Variants in PTPN13 observed in about 807,000 individuals in gnomAD.
PTPN13 encodes protein tyrosine phosphatase non-receptor type 13, also known as tyrosine-protein phosphatase non-receptor type 13.
PTPN13 carries 191 observed loss-of-function variants against 284.0 expected under a neutral mutation model. That is an observed-to-expected ratio of 0.67 (90% CI 0.60 to 0.76). The LOEUF is 0.76. Among genes scored for constraint, PTPN13 ranks in the 30% least tolerant of loss-of-function variants. The pLI, the probability that PTPN13 is intolerant of heterozygous loss-of-function variation, is 0.00. For synonymous variants in PTPN13, 986 were observed against 1,022.3 expected (o/e 0.96, Z 0.68); for missense variants, 2,797 against 2,939.9 (o/e 0.95, Z 1.12).
At chr4:86,814,056 G>A (rs1275659082) in intron 47 of PTPN13, among the ~76,000 whole-genome samples, 4 of 127,048 alleles carry the variant, frequency 3.1e-5, no homozygotes, top group African/African-American at 3.1e-5. Context: ...TCACCAGGCT[G>A]GAGTGCAGTG....
chr4:86,658,945 C>T (rs1366020238), intron 2 of PTPN13, among the ~76,000 whole-genome samples: 2 of 152,016 alleles, frequency 1.3e-5, no homozygotes, highest in African/African-American at 4.8e-5. Flanking sequence ...TAGCTAAGAG[C>T]AGACTGAACA....
chr4:86,595,912 T>G (rs1304809393), intron 1 of PTPN13: 1 of 323,328 alleles, frequency 3.1e-6, no homozygotes, highest in Non-Finnish European at 4.4e-6. Flanking sequence ...TCTTCATGAC[T>G]GTGTTGGCAG....
chr4:86,748,128 G>A (rs1736984799), intron 17 of PTPN13, among the ~76,000 whole-genome samples: 1 of 152,180 alleles, frequency 6.6e-6, no homozygotes, highest in South Asian at 2.1e-4. Context: ...TATGGGATAA[G>A]AGAATAAATG....
chr4:86,806,096 G>A (rs1744622809), intron 44 of PTPN13, among the ~76,000 whole-genome samples: 1 of 151,538 alleles, frequency 6.6e-6, no homozygotes, highest in South Asian at 2.1e-4. Flanking sequence ...GGCAGAGGTT[G>A]CAGCGAGCCA....
chr4:86,742,974 A>G (rs1237184470), intron 16 of PTPN13, among the ~76,000 whole-genome samples: 2 of 152,340 alleles, frequency 1.3e-5, no homozygotes, highest in African/African-American at 2.4e-5. Context: ...TTGCATTCCC[A>G]TGGAAATTAT....
chr4:86,635,071 G>A (rs1722861809), intron 1 of PTPN13, among the ~76,000 whole-genome samples, 181 bp from the exon 2 acceptor site: 1 of 151,994 alleles, frequency 6.6e-6, no homozygotes, highest in African/African-American at 2.4e-5. Context: ...TTGTTTTGAG[G>A]GTTTTTCCCT....
At position 86,759,081 on chromosome 4, in the gene PTPN13, G is replaced by A. The variant is rs1282369424; in HGVS notation, c.3553+8G>A. Reference sequence around the variant, plus strand: ...AAGAAAAGATATCCAAAGGTAATGTGAATGTCTCTTACTTATGTATTCTGT... The same window carrying A: ...AAGAAAAGATATCCAAAGGTAATGTAAATGTCTCTTACTTATGTATTCTGT... On this transcript the variant is annotated splice_region_variant and intron_variant, in intron 23 of 47. Transcript: ENST00000411767. 1 of 1,611,110 alleles carries A rather than the reference G, an allele frequency of 6.2e-7. No individual in the cohort carries two copies. Among genetic ancestry groups the A allele is most frequent in the South Asian group, 1.1e-5 (1 of 90,480 alleles).
At position 86,762,977 on chromosome 4, in the gene PTPN13, T is replaced by C. The variant is rs1011350863; in HGVS notation, c.3804T>C (p.His1268=). ...QSQVNGFFAS[H]LGDQTWQESQ... ...AGGTCAATGGTTTCTTTGCCAGCCA[T>C]TTAGGTGACCAAACCTGGCAGGAAT... is the stretch of plus-strand genomic sequence containing the variant. The change falls in exon 24 of 48, where the codon CAT becomes CAC. Residue 1268 remains histidine, a synonymous_variant. Transcript: ENST00000411767. The C allele has an allele frequency of 6.2e-7, 1 of 1,613,814 alleles. No homozygotes were observed. The highest frequency in any genetic ancestry group is 8.5e-7 in the Non-Finnish European group (1 of 1,179,818).
At chr4:86,714,031 G>T in intron 7 of PTPN13, among the ~76,000 whole-genome samples, 1 of 146,524 alleles carries the variant, frequency 6.8e-6, no homozygotes, top group African/African-American at 2.5e-5. Context: ...TCACTCCCCA[G>T]TTTTAGATAC....
At chr4:86,741,843 A>G in intron 16 of PTPN13, 27 bp downstream of exon 16, 1 of 1,534,760 alleles carries the variant, frequency 6.5e-7, no homozygotes, top group Non-Finnish European at 8.8e-7. Context: ...TCTTTTCATT[A>G]TATTTTCAAA....
intron 12 of PTPN13, among the ~76,000 whole-genome samples, chr4:86,733,981 C>G (rs1046854807): frequency 6.6e-6 from 1 of 152,168 alleles, no homozygotes; most frequent in Non-Finnish European, 1.5e-5. Context: ...AGAATTCCCA[C>G]TAGCCTGATC....
At chr4:86,723,617 G>A (rs143732624) in intron 10 of PTPN13, among the ~76,000 whole-genome samples, 9 of 152,284 alleles carry the variant, frequency 5.9e-5, no homozygotes, top group East Asian at 1.9e-4. Flanking sequence ...GGCAGACACC[G>A]TTTAAGACAT....
chr4:86,717,524 T>A (rs1040051592), intron 9 of PTPN13, among the ~76,000 whole-genome samples: 7 of 152,096 alleles, frequency 4.6e-5, no homozygotes, highest in African/African-American at 1.7e-4. Context: ...TTTTTGCATT[T>A]TCCTTTTCTC....
At chr4:86,712,429 C>T (rs953411269) in intron 7 of PTPN13, among the ~76,000 whole-genome samples, 2 of 151,618 alleles carry the variant, frequency 1.3e-5, no homozygotes, top group Non-Finnish European at 2.9e-5. Context: ...TATACCACTG[C>T]AAGATTCTCT....
intron 7 of PTPN13, among the ~76,000 whole-genome samples, chr4:86,715,414 A>T (rs141335689): frequency 6.6e-6 from 1 of 152,186 alleles, no homozygotes; most frequent in East Asian, 1.9e-4. Flanking sequence ...ACTTCAAAAT[A>T]TAAAGAGACA....
At chr4:86,775,110 C>T in intron 33 of PTPN13, 61 bp from the exon 34 acceptor site, 3 of 1,260,906 alleles carry the variant, frequency 2.4e-6, no homozygotes, top group Middle Eastern at 4.6e-4. Flanking sequence ...ATTTTCTTGG[C>T]AATTTAGCTT....
intron 3 of PTPN13, among the ~76,000 whole-genome samples, chr4:86,674,808 G>A (rs1280031854): frequency 6.6e-6 from 1 of 152,106 alleles, no homozygotes; most frequent in African/African-American, 2.4e-5. Context: ...TACCAGTAAT[G>A]TTTTATTAAG....
chr4:86,669,173 C>CT (rs998247088), intron 2 of PTPN13, among the ~76,000 whole-genome samples: 3 of 147,840 alleles, frequency 2.0e-5, no homozygotes, highest in South Asian at 2.2e-4. Flanking sequence ...CCTCCAAACT[C>CT]TTTTTTTTCT....
In PTPN13 at chr4:86,803,755, C is replaced by G; in HGVS notation, c.6552C>G (p.Val2184=). The G allele has an allele frequency of 6.2e-7, 1 of 1,613,924 alleles. No individual in the cohort carries two copies. Among genetic ancestry groups the G allele is most frequent in the Non-Finnish European group, 8.5e-7 (1 of 1,179,816 alleles). ...ATGAGCTCGCTGTACTCCCTGTCGTCAAAGTGCTTCCCTCTGGTAAATACA... is the reference window on the plus strand; with the variant it reads ...ATGAGCTCGCTGTACTCCCTGTCGTGAAAGTGCTTCCCTCTGGTAAATACA... ...TNDELAVLPV[V]KVLPSGKYTG... The change falls in exon 43 of 48, where the codon GTC becomes GTG. Residue 2184 remains valine (V), a synonymous_variant. Transcript: ENST00000411767.
Sources: allele counts gnomAD v4.1 joint callset (sites outside exome capture counted in the v4.1 genomes callset), GRCh38; gene constraint gnomAD v4.1.1; transcripts MANE v1.5; gene names NCBI Gene and HGNC (gene_info 2026-07-23, HGNC 2026-07-21).